PSG2: variants seen among roughly 807,000 people sequenced by gnomAD.
The protein encoded by PSG2 is pregnancy-specific beta-1-glycoprotein 2.
In PSG2, 49 loss-of-function variants were observed where a neutral mutation model predicts 36.2. The ratio of observed to expected loss-of-function variants is 1.35; its 90% CI spans 1.08 to 1.72. The LOEUF is 1.72. PSG2 is among the 40% of genes most tolerant of loss of function. The pLI is 0.00. For missense variants in PSG2, 605 were observed against 407.2 expected (o/e 1.49, Z -4.18); for synonymous variants, 261 against 155.6 (o/e 1.68, Z -5.04).
intron 1 of PSG2, 104 bp from the exon 2 acceptor site, chr19:43,081,350 GAC>G (rs56971156): frequency 0.17 from 143,532 of 842,460 alleles, 5,687 homozygotes; most frequent in Admixed American, 0.21. Flanking sequence ...CAGCCTTGAA[GAC>G]ACACACACAC....
Position 43,075,404 on chromosome 19 carries a change from C to G in PSG2, c.659G>C (p.Arg220Pro). ...ACTGCGGCTGGCACTCCCTGAGTTCCGTATTTCACATTCATAGGGTCCTGC... is the reference window on the plus strand; with the variant it reads ...ACTGCGGCTGGCACTCCCTGAGTTCGGTATTTCACATTCATAGGGTCCTGC... ...YTAGPYECEI[R>P]NSGSASRSDP... Residue 220 changes from arginine to proline, a missense_variant, in exon 3 of 6, where the codon CGG (arginine) becomes CCG (proline). Physicochemically the swap from Arg to Pro is moderately radical, Grantham distance 103 (BLOSUM62 -2). Coordinates refer to ENST00000406487, the MANE Select transcript of PSG2 (RefSeq NM_031246.4). 5 of 1,613,136 alleles carry G rather than the reference C, an allele frequency of 3.1e-6. No individual in the cohort carries two copies. Among genetic ancestry groups the G allele is most frequent in the Non-Finnish European group, 3.4e-6 (4 of 1,179,668 alleles).
chr19:43,075,189 G>A (rs143112167), intron 3 of PSG2, among the ~76,000 whole-genome samples, 165 bp downstream of exon 3: 1,775 of 151,888 alleles, frequency 0.012, 47 homozygotes, highest in Non-Finnish European at 0.019. Context: ...TGTGGATCAA[G>A]CCTAGGCCTA....
Position 43,081,185 on chromosome 19 carries a change from T to C in PSG2, c.126A>G (p.Pro42=), listed in dbSNP as rs1431597193. The C allele has an allele frequency of 1.9e-6, 3 of 1,612,690 alleles. No homozygotes were observed. Among genetic ancestry groups the C allele is most frequent in the Non-Finnish European group, 2.5e-6 (3 of 1,179,602 alleles). Residue 42 remains proline (P), a synonymous_variant, in exon 2 of 6, where the codon CCA becomes CCG. Coordinates refer to ENST00000406487, the MANE Select transcript of PSG2 (RefSeq NM_031246.4). ...CATCCTTCCCCTCGGAAACTTTTGGTGGCTGGGCTTCAATCGTGACTTGGG... is the reference window on the plus strand; with the variant it reads ...CATCCTTCCCCTCGGAAACTTTTGGCGGCTGGGCTTCAATCGTGACTTGGG... ...TTAQVTIEAQ[P]PKVSEGKDVL... is the part of the protein sequence containing the mutation.
Position 43,077,546 on chromosome 19 carries a change from A to G in PSG2, c.431-1914T>C, listed in dbSNP as rs1473213359. ...ATTCTAAGTGAGATGCCAATGGCTC[A>G]TGTGTCTCCCCACAAGAAGAACTCC... On this transcript the variant is annotated intron_variant, in intron 2 of 5. Coordinates refer to ENST00000406487, the MANE Select transcript of PSG2 (RefSeq NM_031246.4). Among the ~76,000 whole-genome samples, 4 of 151,698 alleles carry G rather than the reference A, an allele frequency of 2.6e-5. 1 individual carries two copies. Among genetic ancestry groups the G allele is most frequent in the Admixed American group, 6.6e-5 (1 of 15,220 alleles).
chr19:43,067,919 T>C (rs1473417318), intron 4 of PSG2, among the ~76,000 whole-genome samples: 2 of 151,262 alleles, frequency 1.3e-5, no homozygotes, highest in Non-Finnish European at 2.9e-5. Flanking sequence ...CAACCTACTT[T>C]AATACTTCAG....
At position 43,071,692 on chromosome 19, in the gene PSG2, C is replaced by T; in HGVS notation, c.964+8G>A. The stretch of plus-strand genomic sequence containing the variant: ...ACCCTACTGCCAAGGATGCTGGGAT[C>T]CACTTACCAGAGACTTTGACTGTCA... On this transcript the variant is annotated splice_region_variant and intron_variant, in intron 4 of 5. Coordinates refer to ENST00000406487, the MANE Select transcript of PSG2 (RefSeq NM_031246.4). 6.2e-7 allele frequency: 1 copy of T among 1,612,960 alleles called. No homozygotes were observed. Among genetic ancestry groups the T allele is most frequent in the East Asian group, 2.2e-5 (1 of 44,874 alleles).
At chr19:43,078,335 C>G (rs1156508065) in intron 2 of PSG2, among the ~76,000 whole-genome samples, 1 of 151,794 alleles carries the variant, frequency 6.6e-6, no homozygotes, top group Middle Eastern at 3.2e-3. Context: ...GAACCGAATT[C>G]TGCTAAATTG....
At chr19:43,080,474 T>G (rs1418100974) in intron 2 of PSG2, among the ~76,000 whole-genome samples, 1 of 151,738 alleles carries the variant, frequency 6.6e-6, no homozygotes, top group Non-Finnish European at 1.5e-5. Context: ...AGCAAGGATT[T>G]AGGGACAGGG....
At chr19:43,073,018 C>T (rs560265446) in intron 3 of PSG2, among the ~76,000 whole-genome samples, 5 of 151,648 alleles carry the variant, frequency 3.3e-5, no homozygotes, top group African/African-American at 1.2e-4. Flanking sequence ...ACTTTGCCCC[C>T]CTAGATGTGA....
At chr19:43,071,357 C>A (rs113291625) in intron 4 of PSG2, among the ~76,000 whole-genome samples, 1 of 151,470 alleles carries the variant, frequency 6.6e-6, no homozygotes, top group Non-Finnish European at 1.5e-5. Flanking sequence ...AAAAAAAAGA[C>A]GTGGCAGAAG....
chr19:43,071,650 G>A (rs1967817240), intron 4 of PSG2, 50 bp downstream of exon 4: 1 of 1,612,614 alleles, frequency 6.2e-7, no homozygotes, highest in Non-Finnish European at 8.5e-7. Context: ...CTGAAAGCCA[G>A]ATAGACTCCA....
chr19:43,064,566 T>G lies in PSG2; in HGVS notation c.*76A>C. 1.5e-6 allele frequency: 1 copy of G among 678,818 alleles called. No homozygotes were observed. Among genetic ancestry groups the G allele is most frequent in the Non-Finnish European group, 2.8e-6 (1 of 362,734 alleles). The allele number at this position is 678,818 out of a possible 1,614,324, so 42.0% of individuals were successfully genotyped here. ...TCTTGAAGTTATCAGGAGCTTGTATTCAAGAGTCCTTGTAAGAGACCTTTC... is the reference window on the plus strand; with the variant it reads ...TCTTGAAGTTATCAGGAGCTTGTATGCAAGAGTCCTTGTAAGAGACCTTTC... On this transcript the variant is annotated 3_prime_UTR_variant, in exon 6 of 6. Transcript: ENST00000406487.
At chr19:43,076,357 G>C (rs1190681502) in intron 2 of PSG2, among the ~76,000 whole-genome samples, 3 of 151,748 alleles carry the variant, frequency 2.0e-5, no homozygotes, top group East Asian at 1.9e-4. Context: ...CATGTGCCCT[G>C]TTCTGGGTCC....
In PSG2 at chr19:43,082,611, T is replaced by C. The variant is rs777795191; in HGVS notation, c.-42A>G. On this transcript the variant is annotated 5_prime_UTR_variant, in exon 1 of 6. Coordinates refer to ENST00000406487, the MANE Select transcript of PSG2 (RefSeq NM_031246.4). ...GTGTTCTCCTCTGTGGAGATGAGCC[T>C]AGGATCCAGAAACTTCCTGAGCACG... 6.2e-7 allele frequency: 1 copy of C among 1,605,386 alleles called. No individual in the cohort carries two copies. The highest frequency in any genetic ancestry group is 8.5e-7 in the Non-Finnish European group (1 of 1,174,526).
rs373130662 is a variant in PSG2, at chr19:43,078,419, A to C, written c.430+2462T>G. Among the ~76,000 whole-genome samples, 6 of 151,758 alleles carry C rather than the reference A, an allele frequency of 4.0e-5. 1 individual carries two copies. The highest frequency in any genetic ancestry group is 1.2e-4 in the African/African-American group (5 of 41,186). On this transcript the variant is annotated intron_variant, in intron 2 of 5. Coordinates refer to ENST00000406487, the MANE Select transcript of PSG2 (RefSeq NM_031246.4). ...AGTTGACAAAATTTGTAACTAATTG[A>C]TCCTATAGATAACATCACTATTATA...
chr19:43,073,293 A>G (rs56674937), intron 3 of PSG2, among the ~76,000 whole-genome samples: 1 of 151,782 alleles, frequency 6.6e-6, no homozygotes, highest in Non-Finnish European at 1.5e-5. Context: ...AGTGCAAGGA[A>G]TGATCTAGAA....
chr19:43,076,673 C>T (rs900340802), intron 2 of PSG2, among the ~76,000 whole-genome samples: 2 of 151,528 alleles, frequency 1.3e-5, no homozygotes, highest in African/African-American at 4.9e-5. Context: ...GAGCTGGGAT[C>T]AGGGGAATAG....
intron 2 of PSG2, among the ~76,000 whole-genome samples, chr19:43,078,161 T>C (rs563632311): frequency 5.3e-5 from 8 of 151,806 alleles, no homozygotes; most frequent in African/African-American, 1.7e-4. Context: ...TGTCCTCACT[T>C]ATTCCTGGGC....
At chr19:43,077,046 C>T (rs1274966450) in intron 2 of PSG2, among the ~76,000 whole-genome samples, 1 of 151,418 alleles carries the variant, frequency 6.6e-6, no homozygotes, top group Non-Finnish European at 1.5e-5. Flanking sequence ...GAGTTTAGAC[C>T]TCATGTTATG....
Sources: gnomAD v4.1 joint callset for allele counts (sites outside exome capture counted in the v4.1 genomes callset) on GRCh38, gnomAD v4.1.1 for gene constraint, MANE v1.5 for transcripts, NCBI Gene and HGNC (gene_info 2026-07-23, HGNC 2026-07-21) for gene names.